The following EXOC2 variants were observed in gnomAD, a reference collection of about 807,000 sequenced individuals.
EXOC2 encodes exocyst complex component 2, also known as SEC5-like 1.
Under a neutral mutation model 131.8 loss-of-function variants are expected in EXOC2, and 70 were observed. The observed-to-expected ratio is 0.53, with a 90% CI of 0.44 to 0.65. The LOEUF (loss-of-function observed/expected upper bound fraction) is 0.65. Among genes scored for constraint, EXOC2 ranks in the 30% least tolerant of loss-of-function variants. The probability of loss-of-function intolerance (pLI) is 0.00; values close to 1 mark genes in which losing one functional copy is unlikely to be tolerated. For synonymous variants in EXOC2, 411 were observed against 398.4 expected (o/e 1.03, Z -0.38); for missense variants, 923 against 1,108.6 (o/e 0.83, Z 2.38).
intron 3 of EXOC2, among the ~76,000 whole-genome samples, chr6:632,463 G>T (rs1432697542): frequency 6.6e-6 from 1 of 152,182 alleles, no homozygotes; most frequent in Non-Finnish European, 1.5e-5. Flanking sequence ...AAAGAAGAGT[G>T]AGTATTACTA....
At chr6:633,141 A>C in intron 2 of EXOC2, 24 bp from the exon 3 acceptor site, 1 of 1,605,850 alleles carries the variant, frequency 6.2e-7, no homozygotes, top group Non-Finnish European at 8.5e-7. Context: ...CATGTGCATA[A>C]CAAAATTCAA....
chr6:610,041 AT>A, intron 7 of EXOC2, 56 bp downstream of exon 7: 1 of 1,519,300 alleles, frequency 6.6e-7, no homozygotes. Context: ...CCAAGAACTA[AT>A]TTTAAAGCAT....
intron 1 of EXOC2, among the ~76,000 whole-genome samples, 189 bp downstream of exon 1, chr6:692,830 G>A (rs1474343444): frequency 2.0e-5 from 3 of 152,026 alleles, no homozygotes; most frequent in Non-Finnish European, 4.4e-5. Flanking sequence ...GGCTGACGGC[G>A]GGGATGGGGG....
At chr6:653,409 C>T (rs150508292) in intron 1 of EXOC2, among the ~76,000 whole-genome samples, 51 of 152,300 alleles carry the variant, frequency 3.3e-4, no homozygotes, top group African/African-American at 1.2e-3. Flanking sequence ...AGTGAACACA[C>T]GAATGATAAC....
intron 1 of EXOC2, among the ~76,000 whole-genome samples, chr6:658,667 T>TTTTATATATATATATATATATATA (rs1763269425): frequency 1.5e-4 from 10 of 65,186 alleles, no homozygotes; most frequent in African/African-American, 4.5e-4. Context: ...ATATATATAT[T>TTTTATATATATATATATATATATA]TTTTTTTTTT....
chr6:590,848 T>C (rs1191168773), intron 11 of EXOC2, among the ~76,000 whole-genome samples: 1 of 152,170 alleles, frequency 6.6e-6, no homozygotes, highest in Non-Finnish European at 1.5e-5. Flanking sequence ...AGGGACCACC[T>C]GTATGCCCAC....
At chr6:622,119 T>C (rs907052087) in intron 4 of EXOC2, among the ~76,000 whole-genome samples, 1 of 152,182 alleles carries the variant, frequency 6.6e-6, no homozygotes, top group Non-Finnish European at 1.5e-5. Context: ...CATGACCAAT[T>C]AGTAAGGCGT....
At position 485,184 on chromosome 6, in the gene EXOC2, G is replaced by A. The variant is rs769659060; in HGVS notation, c.*1487C>T. 6.6e-6 allele frequency: 1 copy of A among 152,220 alleles called. No individual in the cohort carries two copies. The highest frequency in any genetic ancestry group is 1.5e-5 in the Non-Finnish European group (1 of 68,042). 9.4% of individuals were successfully genotyped at this position (152,220 alleles called of 1,614,324 possible). On this transcript the variant is annotated 3_prime_UTR_variant, in exon 28 of 28. Coordinates refer to ENST00000230449, the MANE Select transcript of EXOC2 (RefSeq NM_018303.6). ...GGCAGATTCTTTATTGGCTGAATGT[G>A]CTGTAGTAGATATTTAAAATATCAC...
Position 549,227 on chromosome 6 carries a change from A to T in EXOC2, c.2186T>A (p.Ile729Asn). 5 of 1,614,198 alleles carry T rather than the reference A, an allele frequency of 3.1e-6. No homozygotes were observed. Among genetic ancestry groups the T allele is most frequent in the Non-Finnish European group, 4.2e-6 (5 of 1,180,032 alleles). ...GTTGTGCTTTTCAAAATGTTCTGCGATATTTAGGAAGGTGTGACGTTCTAG... is the reference window on the plus strand; with the variant it reads ...GTTGTGCTTTTCAAAATGTTCTGCGTTATTTAGGAAGGTGTGACGTTCTAG... ...CYLERHTFLN[I>N]AEHFEKHNFQ... The change falls in exon 22 of 28, where the codon ATC (isoleucine) becomes AAC (asparagine). Residue 729 changes from isoleucine (I) to asparagine (N), a missense_variant. Transcript: ENST00000230449.
chr6:685,869 C>CTTTTTTTTTTTTT lies in EXOC2; in HGVS notation c.-44+7137_-44+7149dup, dbSNP rs58892194. Among the ~76,000 whole-genome samples the CTTTTTTTTTTTTT allele has an allele frequency of 1.1e-4, 11 of 98,240 alleles. 2 individuals are homozygous for CTTTTTTTTTTTTT. Among genetic ancestry groups the CTTTTTTTTTTTTT allele is most frequent in the African/African-American group, 2.4e-4 (6 of 25,020 alleles). 64.4% of individuals were successfully genotyped at this position (98,240 alleles called of 152,430 possible). A position where few individuals can be genotyped will look rare whatever the true frequency, so the allele number is the denominator to read the frequency against. On this transcript the variant is annotated intron_variant, in intron 1 of 27. Coordinates refer to ENST00000230449, the MANE Select transcript of EXOC2 (RefSeq NM_018303.6). ...TAATGTATCCTGCTTTCCTGGACCT[C>CTTTTTTTTTTTTT]TTTTTTTTTTTTTTTTTTTTTTTTG...
At chr6:491,050 A>G (rs1408676916) in intron 26 of EXOC2, 75 bp downstream of exon 26, 2 of 1,462,540 alleles carry the variant, frequency 1.4e-6, no homozygotes, top group Non-Finnish European at 9.6e-7. Context: ...AGTCATCTTT[A>G]CAGAGGACAG....
chr6:581,910 C>T (rs1758925515), intron 11 of EXOC2, among the ~76,000 whole-genome samples: 2 of 151,930 alleles, frequency 1.3e-5, no homozygotes, highest in Non-Finnish European at 2.9e-5. Flanking sequence ...ATACATTTAA[C>T]AAATTATAAA....
At chr6:532,838 G>A (rs1029503479) in intron 22 of EXOC2, among the ~76,000 whole-genome samples, 9 of 152,112 alleles carry the variant, frequency 5.9e-5, no homozygotes, top group African/African-American at 2.2e-4. Context: ...GTATTAGTCC[G>A]TTCTCATACT....
chr6:519,266 G>A (rs865821700), intron 23 of EXOC2, among the ~76,000 whole-genome samples: 1 of 1,242 alleles, frequency 8.1e-4, no homozygotes, highest in Non-Finnish European at 1.6e-3. Context: ...TCGGAGACGA[G>A]AACCACCACC....
chr6:502,835 C>T (rs1335693520), intron 23 of EXOC2, among the ~76,000 whole-genome samples: 1 of 152,150 alleles, frequency 6.6e-6, no homozygotes, highest in South Asian at 2.1e-4. Flanking sequence ...TCTTTCCCCT[C>T]ACACAAAAAA....
chr6:650,523 T>C (rs936771312), intron 1 of EXOC2, among the ~76,000 whole-genome samples: 2 of 152,236 alleles, frequency 1.3e-5, no homozygotes, highest in Non-Finnish European at 2.9e-5. Flanking sequence ...TTACACAATA[T>C]TAGTTAAAAC....
At chr6:585,636 C>A (rs1581495752) in intron 11 of EXOC2, among the ~76,000 whole-genome samples, 1 of 152,202 alleles carries the variant, frequency 6.6e-6, no homozygotes, top group South Asian at 2.1e-4. Context: ...CACAGGGCTA[C>A]ATACAATTAA....
intron 1 of EXOC2, among the ~76,000 whole-genome samples, chr6:675,983 C>T (rs534057675): frequency 1.6e-5 from 2 of 126,156 alleles, no homozygotes; most frequent in South Asian, 2.8e-4. Flanking sequence ...CTGAGGTTCC[C>T]CATACTCTTC....
At chr6:616,098 T>C (rs1027428220) in intron 6 of EXOC2, among the ~76,000 whole-genome samples, 3 of 152,202 alleles carry the variant, frequency 2.0e-5, no homozygotes, top group Non-Finnish European at 4.4e-5. Context: ...TCTGTCAAAT[T>C]TGAACCATGT....
Sources: allele counts gnomAD v4.1 joint callset (sites outside exome capture counted in the v4.1 genomes callset), GRCh38; gene constraint gnomAD v4.1.1; transcripts MANE v1.5; gene names NCBI Gene and HGNC (gene_info 2026-07-23, HGNC 2026-07-21).